The following TAMM41 variants were observed in gnomAD, a reference collection of about 807,000 sequenced individuals.
TAMM41 encodes phosphatidate cytidylyltransferase, mitochondrial.
Under a neutral mutation model 44.1 loss-of-function variants are expected in TAMM41, and 36 were observed. The ratio of observed to expected loss-of-function variants is 0.82; its 90% confidence interval spans 0.63 to 1.08. The LOEUF is 1.08. Ranked by LOEUF, TAMM41 falls within the 50% of genes least tolerant of loss-of-function variation. The pLI, the probability that TAMM41 is intolerant of heterozygous loss-of-function variation, is 0.00. For missense variants in TAMM41, 417 were observed against 404.3 expected (o/e 1.03, Z -0.27); for synonymous variants, 164 against 153.1 (o/e 1.07, Z -0.53).
At chr3:11,803,500 GT>G (rs1303588648) in intron 7 of TAMM41, among the ~76,000 whole-genome samples, 2 of 152,136 alleles carry the variant, frequency 1.3e-5, no homozygotes, top group African/African-American at 4.8e-5. Context: ...ATGGGAAACA[GT>G]ATGGAGATTT....
intron 4 of TAMM41, among the ~76,000 whole-genome samples, chr3:11,819,472 G>A (rs2078423923): frequency 6.6e-6 from 1 of 152,286 alleles, no homozygotes; most frequent in Middle Eastern, 3.4e-3. Context: ...AATACTGAAA[G>A]CATCCCAAAT....
intron 5 of TAMM41, 121 bp from the exon 6 acceptor site, chr3:11,809,803 G>C (rs1420683850): frequency 3.1e-6 from 3 of 958,070 alleles, no homozygotes; most frequent in Non-Finnish European, 4.6e-6. Context: ...CCCCTGGCGA[G>C]GCAGCAAGCT....
the TAMM41 span, among the ~76,000 whole-genome samples, chr3:11,754,920 G>A: frequency 2.8e-4 from 43 of 151,802 alleles, no homozygotes; most frequent in African/African-American, 8.9e-4. Context: ...GGCTGGTCTC[G>A]AACTCCTGAC....
At chr3:11,746,430 C>G in the TAMM41 span, among the ~76,000 whole-genome samples, 1 of 151,800 alleles carries the variant, frequency 6.6e-6, no homozygotes, top group Non-Finnish European at 1.5e-5. Context: ...AGCAGCTTTA[C>G]CAATAAGAGC....
intron 5 of TAMM41, chr3:11,816,975 T>G: frequency 8.6e-6 from 4 of 465,798 alleles, no homozygotes; most frequent in Non-Finnish European, 1.5e-5. Context: ...CTCTCCCACT[T>G]CTGCCCCTAG....
the TAMM41 span, among the ~76,000 whole-genome samples, chr3:11,757,085 T>C: frequency 4.9e-3 from 741 of 151,552 alleles, 5 homozygotes; most frequent in African/African-American, 0.017. Flanking sequence ...TCGTTCCTAT[T>C]ATTATCCCAT....
chr3:11,828,545 A>C (rs763799091), intron 4 of TAMM41, among the ~76,000 whole-genome samples: 1 of 152,188 alleles, frequency 6.6e-6, no homozygotes, highest in Non-Finnish European at 1.5e-5. Flanking sequence ...GGGAGTATGG[A>C]AAGGTAATCA....
chr3:11,785,143 T>C, the TAMM41 span, among the ~76,000 whole-genome samples: 1 of 152,122 alleles, frequency 6.6e-6, no homozygotes, highest in African/African-American at 2.4e-5. Context: ...CTCCACTCTC[T>C]ACTGCTGGGT....
At chr3:11,730,398 A>T in the TAMM41 span, among the ~76,000 whole-genome samples, 1 of 150,120 alleles carries the variant, frequency 6.7e-6, no homozygotes, top group Non-Finnish European at 1.5e-5. Context: ...AGCCTGGGCG[A>T]CAGAGCAATA....
intron 2 of TAMM41, among the ~76,000 whole-genome samples, chr3:11,840,953 A>C (rs1253209082): frequency 6.6e-6 from 1 of 152,102 alleles, no homozygotes; most frequent in Non-Finnish European, 1.5e-5. Context: ...CATGCTTTAC[A>C]TAGTGAATTT....
the TAMM41 span, among the ~76,000 whole-genome samples, chr3:11,781,398 T>G: frequency 1.3e-5 from 2 of 151,954 alleles, no homozygotes; most frequent in African/African-American, 4.8e-5. Context: ...ATATGTGGGG[T>G]GGGTAGAACA....
the TAMM41 span, among the ~76,000 whole-genome samples, chr3:11,734,878 C>CAAA: frequency 0.034 from 2,518 of 73,190 alleles, 107 homozygotes; most frequent in East Asian, 0.17. Context: ...TACTAAAATA[C>CAAA]AAAAAAAAAA....
chr3:11,846,354 C>A lies in TAMM41; in HGVS notation c.135+148G>T. ...CGCTTCAACTCGCGCTGTCGTTATA[C>A]TAGGAAGGCAGGCCTATGGTTCACT... On this transcript the variant is annotated intron_variant, in intron 1 of 7. Transcript: ENST00000455809. The A allele has an allele frequency of 4.2e-6, 4 of 944,324 alleles. No individual in the cohort carries two copies. The South Asian group carries it at 6.4e-5, about 15-fold the overall frequency. The allele number at this position is 944,324 out of a possible 1,614,324, so 58.5% of individuals were successfully genotyped here.
At chr3:11,746,676 T>G in the TAMM41 span, among the ~76,000 whole-genome samples, 1 of 152,102 alleles carries the variant, frequency 6.6e-6, no homozygotes, top group Non-Finnish European at 1.5e-5. Flanking sequence ...TAAGGCAGAG[T>G]CTCTCTCTAT....
chr3:11,748,289 TA>T, the TAMM41 span, among the ~76,000 whole-genome samples: 255 of 151,962 alleles, frequency 1.7e-3, 1 homozygote, highest in African/African-American at 5.9e-3. Context: ...TTTATTTATT[TA>T]TTTATTTTTT....
chr3:11,742,515 C>A, the TAMM41 span, among the ~76,000 whole-genome samples: 2 of 150,050 alleles, frequency 1.3e-5, no homozygotes, highest in Non-Finnish European at 2.9e-5. Flanking sequence ...ACCATTTCCA[C>A]TTGCTGGCTG....
the TAMM41 span, among the ~76,000 whole-genome samples, chr3:11,781,650 G>A: frequency 6.6e-6 from 1 of 151,768 alleles, no homozygotes; most frequent in African/African-American, 2.4e-5. Flanking sequence ...CAGGAGAATT[G>A]CTTGAACCTG....
the TAMM41 span, among the ~76,000 whole-genome samples, chr3:11,759,702 G>A: frequency 1.3e-5 from 2 of 152,144 alleles, no homozygotes; most frequent in Non-Finnish European, 1.5e-5. Flanking sequence ...GGCTGGGCAT[G>A]GTGGCTCACG....
At chr3:11,780,973 T>C in the TAMM41 span, among the ~76,000 whole-genome samples, 2 of 152,228 alleles carry the variant, frequency 1.3e-5, no homozygotes, top group African/African-American at 4.8e-5. Context: ...TTTGATTTAC[T>C]GTAAGCTTAC....
Sources: allele counts gnomAD v4.1 joint callset (sites outside exome capture counted in the v4.1 genomes callset), GRCh38; gene constraint gnomAD v4.1.1; transcripts MANE v1.5; gene names NCBI Gene and HGNC (gene_info 2026-07-23, HGNC 2026-07-21).